Variants in RB1CC1 observed in about 807,000 individuals in gnomAD.
The protein encoded by RB1CC1 is RB1 inducible coiled-coil 1.
Under a neutral mutation model 177.5 loss-of-function variants are expected in RB1CC1, and 46 were observed. That is an observed-to-expected ratio of 0.26 (90% CI 0.20 to 0.33). The LOEUF (loss-of-function observed/expected upper bound fraction) is 0.33, where lower values mean the gene tolerates loss of function less well. Among genes scored for constraint, RB1CC1 ranks in the 10% least tolerant of loss-of-function variants. The pLI is 1.00. For missense variants in RB1CC1, 1,703 were observed against 1,816.3 expected, an observed-to-expected ratio of 0.94 and a Z score of 1.13; for synonymous variants, 666 against 613.6, an observed-to-expected ratio of 1.09 and a Z score of -1.26.
At chr8:52,708,721 T>A (rs1423081289) in intron 1 of RB1CC1, among the ~76,000 whole-genome samples, 1 of 152,144 alleles carries the variant, frequency 6.6e-6, no homozygotes, top group African/African-American at 2.4e-5. Context: ...CATCTGGTCC[T>A]CCTAAATCCT....
intron 9 of RB1CC1, 49 bp downstream of exon 9, chr8:52,661,486 T>C: frequency 2.0e-6 from 3 of 1,510,004 alleles, no homozygotes; most frequent in South Asian, 1.3e-5. Context: ...GAAATAAATA[T>C]AAATACCAAT....
At chr8:52,684,549 T>C (rs2150598684) in intron 3 of RB1CC1, among the ~76,000 whole-genome samples, 1 of 152,316 alleles carries the variant, frequency 6.6e-6, no homozygotes, top group South Asian at 2.1e-4. Flanking sequence ...GGAAATGATA[T>C]TTACTACTTC....
In RB1CC1 at chr8:52,657,982, A is replaced by T. The variant is rs369281242; in HGVS notation, c.1920+16T>A. The T allele has an allele frequency of 1.5e-5, 25 of 1,613,414 alleles. No homozygotes were observed. In the African/African-American group the frequency reaches 1.6e-4, roughly 10 times the overall value. On this transcript the variant is annotated intron_variant, in intron 14 of 23. Transcript: ENST00000025008. ...TTACACTAATGAAGAAAACTGTTTG[A>T]AAGAATTGAATTTGCCTTTTGTTCA...
chr8:52,642,297 A>G (rs1405517838), intron 18 of RB1CC1, 54 bp downstream of exon 18: 16 of 1,571,954 alleles, frequency 1.0e-5, no homozygotes, highest in Middle Eastern at 1.7e-4. Context: ...TCAGAGCTTT[A>G]TAACTCATGG....
intron 16 of RB1CC1, among the ~76,000 whole-genome samples, chr8:52,644,254 A>C (rs1849813766): frequency 2.0e-5 from 3 of 152,166 alleles, no homozygotes; most frequent in Admixed American, 2.0e-4. Context: ...AATACAACTT[A>C]ACATACACAT....
chr8:52,666,961 G>C (rs988654142), intron 8 of RB1CC1, among the ~76,000 whole-genome samples: 1 of 152,152 alleles, frequency 6.6e-6, no homozygotes, highest in Non-Finnish European at 1.5e-5. Flanking sequence ...GATCTGAAGA[G>C]AAACTGACTC....
intron 7 of RB1CC1, among the ~76,000 whole-genome samples, chr8:52,668,627 G>C (rs113459622): frequency 6.6e-6 from 1 of 151,898 alleles, no homozygotes; most frequent in Non-Finnish European, 1.5e-5. Flanking sequence ...TCAACGAATC[G>C]GCTTGCTCAA....
intron 5 of RB1CC1, among the ~76,000 whole-genome samples, chr8:52,678,719 TGAAAA>T (rs990575426): frequency 1.3e-5 from 2 of 152,160 alleles, no homozygotes; most frequent in African/African-American, 4.8e-5. Context: ...CAAATTTAGG[TGAAAA>T]GAAATATCTT....
intron 4 of RB1CC1, 46 bp from the exon 5 acceptor site, chr8:52,683,765 AATACTG>A: frequency 6.4e-7 from 1 of 1,560,546 alleles, no homozygotes; most frequent in Non-Finnish European, 8.7e-7. Context: ...AAATGTTATA[AATACTG>A]AGCGTGCACA....
At chr8:52,688,728 C>T (rs1174947820) in intron 1 of RB1CC1, among the ~76,000 whole-genome samples, 1 of 152,176 alleles carries the variant, frequency 6.6e-6, no homozygotes, top group Non-Finnish European at 1.5e-5. Flanking sequence ...CCTGTTCTTA[C>T]ACCCCCTCCC....
At chr8:52,690,396 T>C (rs773923329) in intron 1 of RB1CC1, among the ~76,000 whole-genome samples, 11 of 152,218 alleles carry the variant, frequency 7.2e-5, no homozygotes, top group Non-Finnish European at 1.2e-4. Context: ...ACATAGTCTT[T>C]GTCCTCATGG....
chr8:52,646,847 A>G (rs1339901070), intron 15 of RB1CC1, among the ~76,000 whole-genome samples: 1 of 152,174 alleles, frequency 6.6e-6, no homozygotes, highest in East Asian at 1.9e-4. Flanking sequence ...CTTTCAACTT[A>G]ATCCTTAGCA....
intron 1 of RB1CC1, among the ~76,000 whole-genome samples, chr8:52,688,279 T>G (rs1563445376): frequency 6.6e-6 from 1 of 152,198 alleles, no homozygotes. Flanking sequence ...TTTCTTCTTG[T>G]AGAGAGCCTA....
At chr8:52,664,208 T>G (rs998813799) in intron 8 of RB1CC1, among the ~76,000 whole-genome samples, 3 of 152,138 alleles carry the variant, frequency 2.0e-5, no homozygotes, top group Admixed American at 1.3e-4. Context: ...TCACTGAAAA[T>G]AATCTTATTA....
At chr8:52,678,268 T>A (rs1445646625) in intron 5 of RB1CC1, among the ~76,000 whole-genome samples, 2 of 151,928 alleles carry the variant, frequency 1.3e-5, no homozygotes, top group Non-Finnish European at 2.9e-5. Context: ...AATACAAAAA[T>A]TAGCTGGGTG....
Position 52,673,981 on chromosome 8 carries a change from T to C in RB1CC1, c.866A>G (p.Gln289Arg), listed in dbSNP as rs1165721987. ...RESCQSTVHQQDETTIDTKDG... is the reference protein window; with the variant it reads ...RESCQSTVHQRDETTIDTKDG... ...TTTAGTGTCAATCGTAGTTTCATCT[T>C]GCTGATGAACAGTACTTTGACAAGA... is the stretch of plus-strand genomic sequence containing the variant. The change falls in exon 7 of 24, where the codon CAA becomes CGA. Residue 289 changes from glutamine to arginine, a missense_variant. Transcript: ENST00000025008. The C allele has an allele frequency of 1.2e-6, 2 of 1,614,068 alleles. No individual in the cohort carries two copies. The highest frequency in any genetic ancestry group is 1.7e-6 in the Non-Finnish European group (2 of 1,180,034).
chr8:52,666,362 T>C (rs1274338738), intron 8 of RB1CC1, among the ~76,000 whole-genome samples: 3 of 151,666 alleles, frequency 2.0e-5, no homozygotes, highest in Non-Finnish European at 2.9e-5. Flanking sequence ...CCACTAAAAA[T>C]ACAAAATTAA....
chr8:52,680,968 TTGTGTG>T (rs34048284), intron 5 of RB1CC1, among the ~76,000 whole-genome samples: 5 of 131,058 alleles, frequency 3.8e-5, no homozygotes, highest in Admixed American at 3.2e-4. Context: ...TTGTGGGGTT[TTGTGTG>T]TGTGTGTGTG....
rs751345502 is a variant in RB1CC1, at chr8:52,627,957, C to A, written c.4636+75G>T. On this transcript the variant is annotated intron_variant, in intron 22 of 23. Coordinates refer to ENST00000025008, the MANE Select transcript of RB1CC1 (RefSeq NM_014781.5). ...GTGACTTAATTCTTATGTAATTAAA[C>A]AGGGAAAAAAAAATCTTTACTTATA... is the stretch of plus-strand genomic sequence containing the variant. 119 of 1,327,058 alleles carry A rather than the reference C, an allele frequency of 9.0e-5. 1 individual carries two copies. The highest frequency in any genetic ancestry group is 1.2e-4 in the Non-Finnish European group (118 of 996,068). 82.2% of individuals were successfully genotyped at this position (1,327,058 alleles called of 1,614,324 possible). A position where few individuals can be genotyped will look rare whatever the true frequency, so the allele number is the denominator to read the frequency against.
Sources: gnomAD v4.1 joint callset for allele counts (sites outside exome capture counted in the v4.1 genomes callset) on GRCh38, gnomAD v4.1.1 for gene constraint, MANE v1.5 for transcripts, NCBI Gene and HGNC (gene_info 2026-07-23, HGNC 2026-07-21) for gene names.